The following KIF13B variants were observed in gnomAD, a reference collection of about 807,000 sequenced individuals.
KIF13B encodes the protein kinesin family member 13B, also known as kinesin-like protein KIF13B.
In KIF13B, 127 loss-of-function variants were observed where a neutral mutation model predicts 222.0. The ratio of observed to expected loss-of-function variants is 0.57; its 90% CI spans 0.50 to 0.66. The LOEUF (loss-of-function observed/expected upper bound fraction) is 0.66, where lower values mean the gene tolerates loss of function less well. Among genes scored for constraint, KIF13B ranks in the 30% least tolerant of loss-of-function variants. KIF13B has a pLI of 0.00. For missense variants in KIF13B, 2,173 were observed against 2,379.0 expected (o/e 0.91, Z 1.80); for synonymous variants, 976 against 919.0 (o/e 1.06, Z -1.12).
chr8:29,093,987 GA>G (rs1302427102), intron 36 of KIF13B, among the ~76,000 whole-genome samples: 2 of 151,980 alleles, frequency 1.3e-5, no homozygotes, highest in African/African-American at 2.4e-5. Context: ...CAAAGATGAG[GA>G]AAAAAATTAC....
chr8:29,190,811 G>A (rs528758902), intron 4 of KIF13B, 186 bp downstream of exon 4: 9 of 626,634 alleles, frequency 1.4e-5, no homozygotes, highest in South Asian at 1.2e-4. Flanking sequence ...GCCGCTTGGG[G>A]TGCAGGGAAA....
chr8:29,163,420 T>G (rs1023874774), intron 12 of KIF13B, among the ~76,000 whole-genome samples: 2 of 152,160 alleles, frequency 1.3e-5, no homozygotes, highest in Admixed American at 1.3e-4. Flanking sequence ...CCCAGCTAAC[T>G]TGCAACTGCC....
At chr8:29,256,406 G>A (rs1816480462) in intron 1 of KIF13B, among the ~76,000 whole-genome samples, 2 of 152,314 alleles carry the variant, frequency 1.3e-5, no homozygotes, top group South Asian at 4.1e-4. Context: ...GAGCCAAGGG[G>A]CCTGCTTGTG....
At chr8:29,090,858 T>C (rs1457786159) in intron 37 of KIF13B, among the ~76,000 whole-genome samples, 1 of 152,124 alleles carries the variant, frequency 6.6e-6, no homozygotes. Flanking sequence ...TAGCCTCCTG[T>C]GTAGCTATGA....
chr8:29,257,438 T>C (rs910144274), intron 1 of KIF13B, among the ~76,000 whole-genome samples: 1 of 152,024 alleles, frequency 6.6e-6, no homozygotes, highest in African/African-American at 2.4e-5. Flanking sequence ...AGCACTTCAA[T>C]CCATCTCCTT....
chr8:29,180,377 T>A, intron 7 of KIF13B, 139 bp from the exon 8 acceptor site: 1 of 867,488 alleles, frequency 1.2e-6, no homozygotes, highest in Non-Finnish European at 1.9e-6. Context: ...TCTCAATGAA[T>A]ATTGAGCCCC....
intron 14 of KIF13B, among the ~76,000 whole-genome samples, chr8:29,150,861 A>C (rs1334728457): frequency 6.6e-6 from 1 of 152,152 alleles, no homozygotes; most frequent in African/African-American, 2.4e-5. Context: ...CCCGAGACAC[A>C]ACCATATTGA....
At chr8:29,204,679 T>G (rs1813850972) in intron 2 of KIF13B, among the ~76,000 whole-genome samples, 1 of 152,108 alleles carries the variant, frequency 6.6e-6, no homozygotes, top group South Asian at 2.1e-4. Flanking sequence ...CATGGCAAAT[T>G]CAAATAACTT....
chr8:29,098,551 C>T (rs969278470), intron 36 of KIF13B, among the ~76,000 whole-genome samples: 6 of 147,918 alleles, frequency 4.1e-5, no homozygotes, highest in African/African-American at 1.3e-4. Context: ...TGCAGTGAGC[C>T]GAGATTGCAC....
chr8:29,213,633 T>C (rs1814333423), intron 2 of KIF13B, among the ~76,000 whole-genome samples: 1 of 152,200 alleles, frequency 6.6e-6, no homozygotes, highest in South Asian at 2.1e-4. Context: ...TGTAACACAA[T>C]AGTAGGCATT....
chr8:29,176,700 T>A (rs535946272), intron 9 of KIF13B, among the ~76,000 whole-genome samples: 1 of 152,292 alleles, frequency 6.6e-6, no homozygotes, highest in East Asian at 1.9e-4. Context: ...AACAAAATAT[T>A]ACTTCGTATT....
At chr8:29,176,636 G>A (rs897691392) in intron 9 of KIF13B, among the ~76,000 whole-genome samples, 16 of 152,156 alleles carry the variant, frequency 1.1e-4, no homozygotes, top group Non-Finnish European at 8.8e-5. Flanking sequence ...CCCATAATGA[G>A]CTAACAATTT....
rs1554622286 is a variant in KIF13B, at chr8:29,228,472, A to ATATATATATAT, written c.149+16873_149+16874insATATATATATA. 3.3e-4 allele frequency among the ~76,000 whole-genome samples: 39 copies of ATATATATATAT among 117,082 alleles called. 2 individuals carry two copies. The highest frequency in any genetic ancestry group is 1.1e-3 in the African/African-American group (35 of 30,680). The allele number at this position is 117,082 out of a possible 152,430, so 76.8% of individuals were successfully genotyped here. A position where few individuals can be genotyped will look rare whatever the true frequency, so the allele number is the denominator to read the frequency against. On this transcript the variant is annotated intron_variant, in intron 2 of 39. Transcript: ENST00000524189. ...ACAGAGCCAGACTCCATCTTAAAAAAATATATATATATATATATGAGATAC... is the reference window on the plus strand; with the variant it reads ...ACAGAGCCAGACTCCATCTTAAAAAATATATATATATATATATATATATATATATGAGATAC...
At chr8:29,209,345 T>A (rs1333793338) in intron 2 of KIF13B, among the ~76,000 whole-genome samples, 3 of 152,064 alleles carry the variant, frequency 2.0e-5, no homozygotes, top group African/African-American at 7.2e-5. Flanking sequence ...CTCAGCCATA[T>A]CTCATTTACT....
At chr8:29,195,173 A>AGGAGGCAAAGATTGCAG (rs1485626151) in intron 3 of KIF13B, among the ~76,000 whole-genome samples, 1 of 152,136 alleles carries the variant, frequency 6.6e-6, no homozygotes, top group Non-Finnish European at 1.5e-5. Context: ...GCTTGAACCC[A>AGGAGGCAAAGATTGCAG]GGAGGCAAAG....
chr8:29,144,430 G>A (rs1810962827), intron 18 of KIF13B, among the ~76,000 whole-genome samples: 1 of 151,928 alleles, frequency 6.6e-6, no homozygotes, highest in Admixed American at 6.6e-5. Context: ...GCTGATTTTT[G>A]TATTTTTAAT....
At chr8:29,250,428 T>C (rs901716897) in intron 1 of KIF13B, among the ~76,000 whole-genome samples, 5 of 152,038 alleles carry the variant, frequency 3.3e-5, no homozygotes, top group Admixed American at 2.0e-4. Context: ...AACCAATAAC[T>C]TGGAAGAATT....
intron 28 of KIF13B, among the ~76,000 whole-genome samples, 199 bp downstream of exon 28, chr8:29,123,167 A>G (rs1252616888): frequency 2.6e-5 from 4 of 152,252 alleles, no homozygotes; most frequent in Admixed American, 6.5e-5. Flanking sequence ...TTTGGCCAAT[A>G]ACAACATTAT....
At chr8:29,109,631 T>C (rs1332189235) in intron 33 of KIF13B, 120 bp from the exon 34 acceptor site, 1 of 844,440 alleles carries the variant, frequency 1.2e-6, no homozygotes, top group East Asian at 2.4e-5. Context: ...ATTTAAACAA[T>C]GCTGTTACGT....
Sources: allele counts gnomAD v4.1 joint callset (sites outside exome capture counted in the v4.1 genomes callset), GRCh38; gene constraint gnomAD v4.1.1; transcripts MANE v1.5; gene names NCBI Gene and HGNC (gene_info 2026-07-23, HGNC 2026-07-21).